NAV1: variants seen among roughly 807,000 people sequenced by gnomAD.
NAV1 encodes the protein neuron navigator 1.
A neutral mutation model predicts 175.2 loss-of-function variants in NAV1; 18 were observed. The ratio of observed to expected loss-of-function variants is 0.10; its 90% confidence interval spans 0.07 to 0.15. NAV1 has a LOEUF of 0.15. Ranked by LOEUF, NAV1 falls within the 10% of genes least tolerant of loss-of-function variation. The probability of loss-of-function intolerance (pLI) is 1.00; values close to 1 mark genes in which losing one functional copy is unlikely to be tolerated. For missense variants in NAV1, 1,731 were observed against 2,436.6 expected (o/e 0.71, Z 6.10); for synonymous variants, 897 against 978.7 (o/e 0.92, Z 1.56).
At chr1:201,551,858 C>A (rs867533450) in intron 1 of NAV1, among the ~76,000 whole-genome samples, 1 of 152,194 alleles carries the variant, frequency 6.6e-6, no homozygotes, top group Non-Finnish European at 1.5e-5. Flanking sequence ...TGCTTTTTAG[C>A]CGGTCTGGAG....
chr1:201,642,525 T>TTC (rs1553247051), intron 2 of NAV1, among the ~76,000 whole-genome samples: 3 of 100,304 alleles, frequency 3.0e-5, no homozygotes, highest in African/African-American at 1.3e-4. Context: ...TTCTTTCTTT[T>TTC]TTTCTTTCTT....
chr1:201,733,698 A>G (rs10920244), intron 3 of NAV1, among the ~76,000 whole-genome samples: 21,543 of 152,120 alleles, frequency 0.14, 1,930 homozygotes, highest in East Asian at 0.36. Flanking sequence ...TGTGCAGATA[A>G]CTGGGGAGAG....
intron 1 of NAV1, among the ~76,000 whole-genome samples, chr1:201,674,816 C>T (rs1341249062): frequency 6.6e-6 from 1 of 152,038 alleles, no homozygotes; most frequent in Non-Finnish European, 1.5e-5. Context: ...GTGGGCAGAT[C>T]ACTTGAGGCC....
At chr1:201,796,681 G>T (rs1373038093) in intron 15 of NAV1, 1 of 152,146 alleles carries the variant, frequency 6.6e-6, no homozygotes, top group African/African-American at 2.4e-5. Flanking sequence ...GTAATAGCTA[G>T]CTTAGTGGGT....
At chr1:201,685,386 C>T (rs951097046) in intron 1 of NAV1, among the ~76,000 whole-genome samples, 2 of 152,232 alleles carry the variant, frequency 1.3e-5, no homozygotes. Flanking sequence ...CTCAGACCAG[C>T]CCCATCACAG....
chr1:201,747,877 T>C (rs1323067377), intron 3 of NAV1, among the ~76,000 whole-genome samples: 2 of 152,352 alleles, frequency 1.3e-5, no homozygotes, highest in South Asian at 4.1e-4. Context: ...CAACTCAGAT[T>C]CCCATGCTTG....
At chr1:201,574,377 A>T (rs1299697703) in intron 1 of NAV1, among the ~76,000 whole-genome samples, 1 of 152,036 alleles carries the variant, frequency 6.6e-6, no homozygotes. Flanking sequence ...ACTTTACAGG[A>T]TGATGGGTTT....
At chr1:201,815,753 T>C (rs1678988294) in intron 28 of NAV1, among the ~76,000 whole-genome samples, 1 of 152,202 alleles carries the variant, frequency 6.6e-6, no homozygotes, top group Non-Finnish European at 1.5e-5. Flanking sequence ...TATTTGTATT[T>C]TTGAGACGGA....
chr1:201,712,497 C>T (rs1671948619), intron 1 of NAV1, among the ~76,000 whole-genome samples: 1 of 152,222 alleles, frequency 6.6e-6, no homozygotes, highest in Non-Finnish European at 1.5e-5. Flanking sequence ...AGGACCTCTG[C>T]TATGAGAAGC....
At chr1:201,738,716 G>A (rs1478568247) in intron 3 of NAV1, among the ~76,000 whole-genome samples, 1 of 152,182 alleles carries the variant, frequency 6.6e-6, no homozygotes, top group Admixed American at 6.5e-5. Flanking sequence ...CATGTGACCT[G>A]GATCTGTATG....
intron 1 of NAV1, among the ~76,000 whole-genome samples, chr1:201,708,048 T>A (rs1453177708): frequency 6.6e-6 from 1 of 152,166 alleles, no homozygotes; most frequent in Non-Finnish European, 1.5e-5. Flanking sequence ...TGTGTGTGCA[T>A]GCACCTGTCT....
chr1:201,722,009 A>G (rs1236140700), intron 3 of NAV1, among the ~76,000 whole-genome samples: 5 of 152,252 alleles, frequency 3.3e-5, no homozygotes, highest in African/African-American at 1.2e-4. Context: ...TCAGCAAACT[A>G]GAAGGAAGAA....
At chr1:201,816,965 C>T (rs1033692082) in intron 28 of NAV1, 123 bp from the exon 33 acceptor site, 52 of 811,888 alleles carry the variant, frequency 6.4e-5, no homozygotes, top group East Asian at 3.8e-4. Context: ...TGAGCCACTG[C>T]GCCTGGCCAG....
chr1:201,744,876 C>G (rs1673672247), intron 3 of NAV1, among the ~76,000 whole-genome samples: 5 of 152,236 alleles, frequency 3.3e-5, no homozygotes, highest in Admixed American at 3.3e-4. Flanking sequence ...ACAGAATCCT[C>G]TGAGACAAAC....
intron 1 of NAV1, among the ~76,000 whole-genome samples, chr1:201,576,573 CA>C (rs35832486): frequency 0.047 from 6,934 of 146,006 alleles, 368 homozygotes; most frequent in East Asian, 0.14. Context: ...AGACCCTCTC[CA>C]AAAAAAAAAA....
At chr1:201,727,507 C>A (rs909038687) in intron 3 of NAV1, among the ~76,000 whole-genome samples, 6 of 152,216 alleles carry the variant, frequency 3.9e-5, no homozygotes, top group African/African-American at 1.4e-4. Context: ...GTGACCATGA[C>A]CTCTTTCCCA....
Position 201,808,443 on chromosome 1 carries a change from A to T in NAV1, c.3871A>T (p.Thr1291Ser). Residue 1291 changes from threonine to serine, a missense_variant, in exon 19 of 30, where the codon ACT becomes TCT. Thr to Ser is a moderately conservative substitution (Grantham distance 58). Coordinates refer to ENST00000367296, the Ensembl canonical transcript of NAV1. This position sits in a 1 kb window ranked among gnomAD's most constrained non-coding sequence, Gnocchi z 5.5. ...GGGCCCTGCTCACCCAGCCCCCCACACTAGGCTGTTCCATGCAAATGAGGA... is the reference window on the plus strand; with the variant it reads ...GGGCCCTGCTCACCCAGCCCCCCACTCTAGGCTGTTCCATGCAAATGAGGA... The T allele has an allele frequency of 3.1e-6, 5 of 1,614,026 alleles. No homozygotes were observed. The highest frequency in any genetic ancestry group is 4.2e-6 in the Non-Finnish European group (5 of 1,179,944).
chr1:201,782,218 TGAA>T lies in NAV1; in HGVS notation c.1710_1712del (p.Lys570del). The T allele has an allele frequency of 6.2e-7, 1 of 1,611,178 alleles. No homozygotes were observed. Among genetic ancestry groups the T allele is most frequent in the Non-Finnish European group, 8.5e-7 (1 of 1,178,890 alleles). ...GCTACAGACAAGGGTAAGCTTGCAG[TGAA>T]GAATACTGGGCTCCAACGCTCCTCC... On this transcript the variant is annotated inframe_deletion, in exon 6 of 30. Transcript: ENST00000367296. The surrounding 1 kb of genome is among the most constrained non-coding windows in gnomAD (Gnocchi z 5.4).
intron 1 of NAV1, among the ~76,000 whole-genome samples, chr1:201,700,571 G>A (rs183707869): frequency 5.7e-4 from 87 of 152,242 alleles, no homozygotes; most frequent in African/African-American, 1.7e-3. Flanking sequence ...TTGACCCAGC[G>A]ATTCCATTAC....
Sources: allele counts gnomAD v4.1 joint callset (sites outside exome capture counted in the v4.1 genomes callset), GRCh38; gene constraint gnomAD v4.1.1; non-coding constraint Gnocchi (gnomAD v3.1); transcripts MANE v1.5; gene names NCBI Gene and HGNC (gene_info 2026-07-23, HGNC 2026-07-21).